The following UGT8 variants were observed in gnomAD, a reference collection of about 807,000 sequenced individuals.
The protein encoded by UGT8 is 2-hydroxyacylsphingosine 1-beta-galactosyltransferase.
Under a neutral mutation model 40.5 loss-of-function variants are expected in UGT8, and 12 were observed. That is an observed-to-expected ratio of 0.30 (90% CI 0.19 to 0.48). The LOEUF (loss-of-function observed/expected upper bound fraction) is 0.48. Among genes scored for constraint, UGT8 ranks in the 20% least tolerant of loss-of-function variants. UGT8 has a pLI of 0.99. For synonymous variants in UGT8, 224 were observed against 240.4 expected (o/e 0.93, Z 0.63); for missense variants, 513 against 648.7 (o/e 0.79, Z 2.27).
At chr4:114,654,308 C>T (rs1337790708) in intron 2 of UGT8, among the ~76,000 whole-genome samples, 1 of 151,934 alleles carries the variant, frequency 6.6e-6, no homozygotes, top group Non-Finnish European at 1.5e-5. Context: ...ATGTTAGGGA[C>T]CTCATGTGGA....
chr4:114,622,099 C>T (rs1293028821), intron 1 of UGT8, among the ~76,000 whole-genome samples: 4 of 110,258 alleles, frequency 3.6e-5, no homozygotes, highest in Non-Finnish European at 3.6e-5. Context: ...TGCTATCCCT[C>T]CCCCCTCCCC....
intron 1 of UGT8, among the ~76,000 whole-genome samples, chr4:114,611,622 A>G (rs1315288316): frequency 6.7e-6 from 1 of 149,508 alleles, no homozygotes; most frequent in Non-Finnish European, 1.5e-5. Context: ...GAAGACATAT[A>G]TTGTAGATAC....
rs538656069 is a variant in UGT8 at position 114,606,455 on chromosome 4, C to A, written c.-3+7481C>A. ...GCCTTTGTGTTTTACATAGATTTTG[C>A]ATTTGTGCTGCTGTCCCTATTGAGT... On this transcript the variant is annotated intron_variant, in intron 1 of 5. Coordinates refer to ENST00000310836, the MANE Select transcript of UGT8 (RefSeq NM_001128174.3). 2.0e-5 allele frequency among the ~76,000 whole-genome samples: 3 copies of A among 152,238 alleles called. No individual in the cohort carries two copies. In the East Asian group the frequency reaches 5.8e-4, roughly 29 times the overall value.
chr4:114,657,687 C>T (rs546893166), intron 2 of UGT8, among the ~76,000 whole-genome samples: 20 of 151,920 alleles, frequency 1.3e-4, no homozygotes, highest in Non-Finnish European at 2.9e-4. Flanking sequence ...TGCAGAATGA[C>T]CTTTTTTTTT....
At chr4:114,675,862 T>G in intron 5 of UGT8, 63 bp from the exon 6 acceptor site, 1 of 1,514,306 alleles carries the variant, frequency 6.6e-7, no homozygotes, top group Non-Finnish European at 8.8e-7. Context: ...TAAATGAAGA[T>G]ATGCATAAAT....
At chr4:114,616,947 T>C (rs1488333619) in intron 1 of UGT8, among the ~76,000 whole-genome samples, 1 of 152,166 alleles carries the variant, frequency 6.6e-6, no homozygotes, top group African/African-American at 2.4e-5. Flanking sequence ...TCTGGAGCTC[T>C]AAGGGTTTAA....
intron 2 of UGT8, among the ~76,000 whole-genome samples, chr4:114,659,634 T>C (rs1015618324): frequency 2.6e-5 from 4 of 152,208 alleles, no homozygotes; most frequent in Admixed American, 1.3e-4. Flanking sequence ...TACAAGACGA[T>C]GCAATTTCTA....
intron 2 of UGT8, among the ~76,000 whole-genome samples, chr4:114,659,619 C>T (rs537233851): frequency 6.6e-6 from 1 of 152,232 alleles, no homozygotes; most frequent in South Asian, 2.1e-4. Context: ...CAGTGCTGGT[C>T]TACGTACAAG....
chr4:114,646,633 T>C (rs1409150475), intron 2 of UGT8, among the ~76,000 whole-genome samples: 1 of 152,220 alleles, frequency 6.6e-6, no homozygotes, highest in East Asian at 1.9e-4. Context: ...TAATTCATTG[T>C]ACACAATGGA....
intron 1 of UGT8, among the ~76,000 whole-genome samples, chr4:114,614,929 A>G (rs185294217): frequency 6.6e-6 from 1 of 151,674 alleles, no homozygotes; most frequent in African/African-American, 2.4e-5. Context: ...TCCTACCTCA[A>G]ATCAGTATGT....
intron 5 of UGT8, among the ~76,000 whole-genome samples, chr4:114,670,451 A>AAAAAAAC (rs1735184834): frequency 6.6e-6 from 1 of 150,892 alleles, no homozygotes; most frequent in African/African-American, 2.4e-5. Context: ...AAAAAAAAAA[A>AAAAAAAC]AAAAGCTTAT....
intron 2 of UGT8, among the ~76,000 whole-genome samples, chr4:114,626,590 TC>T (rs1732236512): frequency 6.6e-6 from 1 of 152,224 alleles, no homozygotes; most frequent in African/African-American, 2.4e-5. Context: ...ATTTATTCTT[TC>T]CTTTAAAGTA....
intron 1 of UGT8, among the ~76,000 whole-genome samples, chr4:114,602,743 GAA>G (rs1405920945): frequency 6.6e-6 from 1 of 152,230 alleles, no homozygotes; most frequent in Non-Finnish European, 1.5e-5. Context: ...CAGAAATTTG[GAA>G]GTGGTCAATT....
chr4:114,614,841 T>A (rs1055984505), intron 1 of UGT8, among the ~76,000 whole-genome samples: 37 of 11,630 alleles, frequency 3.2e-3, no homozygotes, highest in Non-Finnish European at 0.01. Flanking sequence ...GGTGCCAGAC[T>A]TTTTTTTTTT....
At chr4:114,624,956 A>C (rs1282210110) in intron 2 of UGT8, among the ~76,000 whole-genome samples, 1 of 152,186 alleles carries the variant, frequency 6.6e-6, no homozygotes, top group Admixed American at 6.5e-5. Flanking sequence ...ATCCAAGCTC[A>C]TTTTGAATCC....
At chr4:114,638,060 T>G (rs1315696131) in intron 2 of UGT8, among the ~76,000 whole-genome samples, 7 of 152,288 alleles carry the variant, frequency 4.6e-5, no homozygotes, top group Admixed American at 2.0e-4. Context: ...TGATATACAT[T>G]TAGAATGACA....
At chr4:114,627,497 A>G (rs1011839334) in intron 2 of UGT8, among the ~76,000 whole-genome samples, 2 of 152,094 alleles carry the variant, frequency 1.3e-5, no homozygotes, top group Admixed American at 6.5e-5. Context: ...TGACCTTGTG[A>G]TCTGCCCGTC....
Position 114,622,961 on chromosome 4 carries a change from G to C in UGT8, c.81G>C (p.Pro27=), listed in dbSNP as rs765859819. 1 of 1,614,010 alleles carries C rather than the reference G, an allele frequency of 6.2e-7. No homozygotes were observed. Among genetic ancestry groups the C allele is most frequent in the South Asian group, 1.1e-5 (1 of 91,076 alleles). ...IAKAAKIIIV[P]PIMFESHMYI... ...AGGCTGCCAAAATCATCATCGTGCC[G>C]CCAATTATGTTTGAAAGCCATATGT... Residue 27 remains proline (P), a synonymous_variant, in exon 2 of 6, where the codon CCG becomes CCC. Coordinates refer to ENST00000310836, the MANE Select transcript of UGT8 (RefSeq NM_001128174.3).
At chr4:114,670,595 C>T (rs1269424068) in intron 5 of UGT8, among the ~76,000 whole-genome samples, 3 of 151,934 alleles carry the variant, frequency 2.0e-5, no homozygotes, top group Admixed American at 6.6e-5. Flanking sequence ...TGCAGAAAAG[C>T]CTTTGATAAA....
Sources: allele counts gnomAD v4.1 joint callset (sites outside exome capture counted in the v4.1 genomes callset), GRCh38; gene constraint gnomAD v4.1.1; transcripts MANE v1.5; gene names NCBI Gene and HGNC (gene_info 2026-07-23, HGNC 2026-07-21).